The following SPART variants were observed in gnomAD, a reference collection of about 807,000 sequenced individuals.
SPART encodes the protein spartin.
Under a neutral mutation model 58.7 loss-of-function variants are expected in SPART, and 35 were observed. That is an observed-to-expected ratio of 0.60 (90% CI 0.46 to 0.79). The LOEUF is 0.79. SPART is among the 30% of genes least tolerant of loss of function. SPART has a pLI of 0.00. For missense variants in SPART, 730 were observed against 786.1 expected, an observed-to-expected ratio of 0.93 and a Z score of 0.85; for synonymous variants, 284 against 280.7, an observed-to-expected ratio of 1.01 and a Z score of -0.12.
intron 1 of SPART, among the ~76,000 whole-genome samples, chr13:36,344,390 A>T (rs918916360): frequency 6.6e-6 from 1 of 151,804 alleles, no homozygotes; most frequent in Admixed American, 6.6e-5. Flanking sequence ...GCCTGTGTGT[A>T]GGGGTGGAGT....
At chr13:36,334,650 C>G (rs574822007) in intron 2 of SPART, among the ~76,000 whole-genome samples, 1 of 152,238 alleles carries the variant, frequency 6.6e-6, no homozygotes, top group South Asian at 2.1e-4. Context: ...AGACCCTCAG[C>G]TGAGTCTTGA....
At chr13:36,343,133 G>A (rs570946568) in intron 1 of SPART, among the ~76,000 whole-genome samples, 2 of 152,156 alleles carry the variant, frequency 1.3e-5, no homozygotes, top group Admixed American at 1.3e-4. Flanking sequence ...AATCCATCAA[G>A]TTTTTAAGCT....
At position 36,335,766 on chromosome 13, in the gene SPART, T is replaced by C; in HGVS notation, c.65A>G (p.Lys22Arg). 1 of 1,614,030 alleles carries C rather than the reference T, an allele frequency of 6.2e-7. No individual in the cohort carries two copies. The highest frequency in any genetic ancestry group is 8.5e-7 in the Non-Finnish European group (1 of 1,179,994). The change falls in exon 2 of 9, where the codon AAG (lysine) becomes AGG (arginine). Residue 22 changes from lysine (K) to arginine (R), a missense_variant. By Grantham distance (26) the Lys-to-Arg change is conservative. Transcript: ENST00000438666. ...ACCTTTGTTAACAAATAAAAAGGCC[T>C]TCTTATATGCTTCTCTGATGATCTT... ...EIKIIREAYK[K>R]AFLFVNKGLN... is the part of the protein sequence containing the mutation.
intron 1 of SPART, among the ~76,000 whole-genome samples, chr13:36,344,035 T>TAAA (rs35639781): frequency 7.7e-6 from 1 of 129,860 alleles, no homozygotes; most frequent in Admixed American, 7.9e-5. Flanking sequence ...CTTGTCTCTT[T>TAAA]AAAAAAAAAA....
chr13:36,317,308 G>A (rs1021716254), intron 5 of SPART, among the ~76,000 whole-genome samples: 1 of 151,912 alleles, frequency 6.6e-6, no homozygotes, highest in Admixed American at 6.6e-5. Flanking sequence ...CTGGGGGAGG[G>A]GCAAGTACCC....
intron 2 of SPART, 37 bp downstream of exon 2, chr13:36,334,984 G>A (rs201243738): frequency 1.7e-5 from 25 of 1,511,730 alleles, no homozygotes; most frequent in African/African-American, 9.6e-5. Flanking sequence ...TAGTCTACAC[G>A]TATTTCAAAT....
intron 5 of SPART, among the ~76,000 whole-genome samples, chr13:36,317,547 C>G (rs1220397553): frequency 2.6e-5 from 4 of 151,446 alleles, no homozygotes; most frequent in Non-Finnish European, 5.9e-5. Context: ...ATTTCCATGC[C>G]CTGACCCCTT....
intron 6 of SPART, 143 bp downstream of exon 6, chr13:36,314,084 T>C: frequency 2.4e-6 from 2 of 832,274 alleles, no homozygotes; most frequent in Admixed American, 2.5e-5. Flanking sequence ...CAGGTCTCAC[T>C]ATGAATAACA....
At chr13:36,369,765 G>A (rs1886201004) in intron 1 of SPART, among the ~76,000 whole-genome samples, 1 of 152,106 alleles carries the variant, frequency 6.6e-6, no homozygotes. Flanking sequence ...CATTCACTCA[G>A]TAATTCACCA....
intron 8 of SPART, among the ~76,000 whole-genome samples, chr13:36,310,030 G>A (rs1880929848): frequency 6.6e-6 from 1 of 152,194 alleles, no homozygotes; most frequent in Non-Finnish European, 1.5e-5. Flanking sequence ...AGGTTCTGAT[G>A]ACAGAAACAC....
intron 1 of SPART, among the ~76,000 whole-genome samples, chr13:36,366,415 C>T (rs1208117931): frequency 1.3e-5 from 2 of 152,212 alleles, no homozygotes; most frequent in Admixed American, 6.5e-5. Context: ...TACACTTCCT[C>T]ATTAATTCAA....
upstream of SPART, among the ~76,000 whole-genome samples, chr13:36,350,775 T>G (rs1386226510): frequency 6.6e-6 from 1 of 152,232 alleles, no homozygotes; most frequent in East Asian, 1.9e-4. Context: ...CTTTTACCCC[T>G]GGGTAATGCA....
intron 5 of SPART, among the ~76,000 whole-genome samples, chr13:36,316,336 T>TGAGCCC (rs1383745512): frequency 1.3e-5 from 2 of 152,264 alleles, no homozygotes; most frequent in East Asian, 3.8e-4. Flanking sequence ...GTCAGGCCTC[T>TGAGCCC]GAGCCCAAGC....
chr13:36,304,027 T>C lies in SPART; in HGVS notation c.*338A>G. ...AATATATAGTTTCCTATTTGCCTTC[T>C]GAAAGACAGCAGATATAAAAATAGT... On this transcript the variant is annotated 3_prime_UTR_variant, in exon 9 of 9. Coordinates refer to ENST00000438666, the MANE Select transcript of SPART (RefSeq NM_015087.5). 3.7e-6 allele frequency: 1 copy of C among 268,908 alleles called. No homozygotes were observed. The highest frequency in any genetic ancestry group is 7.1e-6 in the Non-Finnish European group (1 of 141,750). The allele number at this position is 268,908 out of a possible 1,614,324, so 16.7% of individuals were successfully genotyped here. A position where few individuals can be genotyped will look rare whatever the true frequency, so the allele number is the denominator to read the frequency against.
intron 2 of SPART, 62 bp from the exon 3 acceptor site, chr13:36,331,658 T>C: frequency 8.2e-7 from 1 of 1,225,482 alleles, no homozygotes; most frequent in Non-Finnish European, 1.2e-6. Flanking sequence ...AGATTTTCAT[T>C]TATGTTTTAA....
intron 6 of SPART, chr13:36,313,838 C>A: frequency 4.1e-6 from 1 of 241,032 alleles, no homozygotes; most frequent in Non-Finnish European, 8.2e-6. Context: ...TAGAACTTAC[C>A]TCCTGCGTTA....
intron 1 of SPART, among the ~76,000 whole-genome samples, chr13:36,352,293 A>C (rs933613005): frequency 2.0e-5 from 3 of 152,258 alleles, no homozygotes; most frequent in African/African-American, 7.2e-5. Flanking sequence ...TACTGATTAA[A>C]AATGGAAAAC....
At position 36,302,425 on chromosome 13, in the gene SPART, C is replaced by T. The variant is rs1031745127; in HGVS notation, c.*1940G>A. 2 of 152,156 alleles carry T rather than the reference C, an allele frequency of 1.3e-5. No individual in the cohort carries two copies. The highest frequency in any genetic ancestry group is 2.9e-5 in the Non-Finnish European group (2 of 68,026). 9.4% of individuals were successfully genotyped at this position (152,156 alleles called of 1,614,324 possible). On this transcript the variant is annotated 3_prime_UTR_variant, in exon 9 of 9. Coordinates refer to ENST00000438666, the MANE Select transcript of SPART (RefSeq NM_015087.5). ...CTCTCTGATGCAACTATTCAACTCT[C>T]ACGTTGAACTAGACAGCAGCCATAG...
chr13:36,352,709 G>C (rs1261816554), intron 1 of SPART, among the ~76,000 whole-genome samples: 1 of 152,010 alleles, frequency 6.6e-6, no homozygotes, highest in African/African-American at 2.4e-5. Context: ...CATGTTGGGA[G>C]GCTGAGGTGG....
Sources: allele counts gnomAD v4.1 joint callset (sites outside exome capture counted in the v4.1 genomes callset), GRCh38; gene constraint gnomAD v4.1.1; transcripts MANE v1.5; gene names NCBI Gene and HGNC (gene_info 2026-07-23, HGNC 2026-07-21).